FXYD7: variants seen among roughly 807,000 people sequenced by gnomAD.
The protein encoded by FXYD7 is FXYD domain-containing ion transport regulator 7.
FXYD7 carries 7 observed loss-of-function variants against 15.3 expected under a neutral mutation model. The observed-to-expected ratio is 0.46, with a 90% confidence interval of 0.26 to 0.86. The LOEUF is 0.86. Among genes scored for constraint, FXYD7 ranks in the 40% least tolerant of loss-of-function variants. FXYD7 has a pLI of 0.16. For missense variants in FXYD7, 78 were observed against 100.6 expected, an observed-to-expected ratio of 0.78 and a Z score of 0.96; for synonymous variants, 39 against 39.3, an observed-to-expected ratio of 0.99 and a Z score of 0.03.
rs1002392251 is a variant in FXYD7, at chr19:35,154,068, G to A, written c.*152G>A. The A allele has an allele frequency of 6.0e-6, 4 of 668,302 alleles. No individual in the cohort carries two copies. The highest frequency in any genetic ancestry group is 1.0e-5 in the Non-Finnish European group (4 of 389,442). 41.4% of individuals were successfully genotyped at this position (668,302 alleles called of 1,614,324 possible). ...AAGGCTGGAGCCGCTGCACCCTGCT[G>A]TCCCTCTCCAGGCCTTGGCAATGAC... On this transcript the variant is annotated 3_prime_UTR_variant, in exon 6 of 6. Coordinates refer to ENST00000270310, the MANE Select transcript of FXYD7 (RefSeq NM_022006.2).
At chr19:35,151,750 G>A (rs936742098) in intron 5 of FXYD7, 77 bp downstream of exon 5, 29 of 976,292 alleles carry the variant, frequency 3.0e-5, no homozygotes, top group South Asian at 1.9e-4. Context: ...GGGAAGTCGC[G>A]GGGATGGACT....
At position 35,154,077 on chromosome 19, in the gene FXYD7, C is replaced by T. The variant is rs2065329008; in HGVS notation, c.*161C>T. On this transcript the variant is annotated 3_prime_UTR_variant, in exon 6 of 6. Coordinates refer to ENST00000270310, the MANE Select transcript of FXYD7 (RefSeq NM_022006.2). ...GCCGCTGCACCCTGCTGTCCCTCTC[C>T]AGGCCTTGGCAATGACGATCCCCCA... The T allele has an allele frequency of 1.6e-6, 1 of 620,936 alleles. No individual in the cohort carries two copies. 38.5% of individuals were successfully genotyped at this position (620,936 alleles called of 1,614,324 possible). A position where few individuals can be genotyped will look rare whatever the true frequency, so the allele number is the denominator to read the frequency against.
chr19:35,148,912 G>T (rs1232334910), intron 2 of FXYD7, 189 bp downstream of exon 2: 3 of 724,408 alleles, frequency 4.1e-6, no homozygotes, highest in Admixed American at 1.9e-5. Flanking sequence ...GAGTGGGGAT[G>T]CCTCACACTC....
intron 1 of FXYD7, among the ~76,000 whole-genome samples, chr19:35,147,757 G>C (rs1050012717): frequency 6.6e-6 from 1 of 152,032 alleles, no homozygotes; most frequent in South Asian, 2.1e-4. Flanking sequence ...ACTATGGGAG[G>C]CTGAGGCGGG....
chr19:35,151,768 G>T (rs1171324075), intron 5 of FXYD7, 95 bp downstream of exon 5: 6 of 769,892 alleles, frequency 7.8e-6, no homozygotes, highest in Non-Finnish European at 1.4e-5. Context: ...ACTGGACGCA[G>T]GGGGCGGAGG....
chr19:35,144,168 G>GAAGA (rs1193624127), intron 1 of FXYD7, among the ~76,000 whole-genome samples: 1 of 152,052 alleles, frequency 6.6e-6, no homozygotes, highest in Non-Finnish European at 1.5e-5. Context: ...AGTAGAAAGA[G>GAAGA]AAGAAGGGAG....
intron 5 of FXYD7, among the ~76,000 whole-genome samples, chr19:35,152,384 G>GTAATAATGACTTGTTGGTTGATTGT (rs1443448434): frequency 1.3e-5 from 2 of 151,948 alleles, no homozygotes; most frequent in African/African-American, 4.8e-5. Flanking sequence ...TCAGGAGGGA[G>GTAATAATGACTTGTTGGTTGATTGT]AGAGAGGGAG....
intron 5 of FXYD7, 119 bp from the exon 6 acceptor site, chr19:35,153,775 T>C: frequency 2.3e-6 from 2 of 884,190 alleles, no homozygotes; most frequent in East Asian, 5.1e-5. Context: ...GTGTTAGCTC[T>C]GGGGTGACAG....
intron 5 of FXYD7, among the ~76,000 whole-genome samples, chr19:35,152,134 C>CGAAA (rs2065313000): frequency 2.2e-5 from 1 of 45,138 alleles, no homozygotes; most frequent in Non-Finnish European, 3.9e-5. Flanking sequence ...GTGAGACTGT[C>CGAAA]AAAAAAAAAA....
intron 5 of FXYD7, among the ~76,000 whole-genome samples, chr19:35,152,421 C>G (rs921724063): frequency 1.3e-5 from 2 of 150,872 alleles, no homozygotes. Flanking sequence ...GAGAGGCTTT[C>G]CAGACTTGAT....
chr19:35,145,603 G>T (rs2065286514), intron 1 of FXYD7, among the ~76,000 whole-genome samples: 1 of 152,204 alleles, frequency 6.6e-6, no homozygotes. Context: ...ATGAACAGCA[G>T]TGATGAGTCA....
chr19:35,148,902 G>C, intron 2 of FXYD7, 179 bp downstream of exon 2: 1 of 736,796 alleles, frequency 1.4e-6, no homozygotes, highest in Middle Eastern at 2.3e-4. Flanking sequence ...CCAGATGGGG[G>C]AGTGGGGATG....
intron 1 of FXYD7, among the ~76,000 whole-genome samples, chr19:35,146,573 T>G (rs538620503): frequency 6.6e-6 from 1 of 152,324 alleles, no homozygotes; most frequent in South Asian, 2.1e-4. Context: ...AAAGAGTTGC[T>G]ATGAAGATTA....
intron 1 of FXYD7, among the ~76,000 whole-genome samples, chr19:35,144,672 G>C (rs1192157233): frequency 1.4e-5 from 2 of 148,016 alleles, no homozygotes; most frequent in Non-Finnish European, 3.0e-5. Context: ...GAGGCTGGAA[G>C]CTACCCTAGG....
Position 35,154,098 on chromosome 19 carries a change from C to G in FXYD7, c.*182C>G, listed in dbSNP as rs2065329154. 2 of 579,830 alleles carry G rather than the reference C, an allele frequency of 3.4e-6. No homozygotes were observed. The allele number at this position is 579,830 out of a possible 1,614,324, so 35.9% of individuals were successfully genotyped here. On this transcript the variant is annotated 3_prime_UTR_variant, in exon 6 of 6. Coordinates refer to ENST00000270310, the MANE Select transcript of FXYD7 (RefSeq NM_022006.2). ...TCTCCAGGCCTTGGCAATGACGATC[C>G]CCCAAAGAGCCCGTCTGCACCCCAG...
At chr19:35,151,910 A>T (rs1275084385) in intron 5 of FXYD7, among the ~76,000 whole-genome samples, 3 of 151,986 alleles carry the variant, frequency 2.0e-5, no homozygotes, top group African/African-American at 7.3e-5. Flanking sequence ...AGGCTGAGGC[A>T]GGCAGATCAC....
At chr19:35,144,057 G>GA (rs976585839) in intron 1 of FXYD7, among the ~76,000 whole-genome samples, 16 of 149,224 alleles carry the variant, frequency 1.1e-4, no homozygotes, top group South Asian at 6.4e-4. Flanking sequence ...GAGAGAGAGA[G>GA]AAAAAAAAAT....
At position 35,143,439 on chromosome 19, in the gene FXYD7, T is replaced by C. The variant is rs1057339116; in HGVS notation, c.31+75T>C. On this transcript the variant is annotated intron_variant, in intron 1 of 5. Coordinates refer to ENST00000270310, the MANE Select transcript of FXYD7 (RefSeq NM_022006.2). This position sits in a 1 kb window ranked among gnomAD's most constrained non-coding sequence, Gnocchi z 4.3. ...GCCTAGGAGAGAGGGTGTCGGGAGA[T>C]TCAAGCAATGGTAAGGCAAGGGAGT... The C allele has an allele frequency of 6.0e-6, 7 of 1,175,488 alleles. No homozygotes were observed. Among genetic ancestry groups the C allele is most frequent in the Non-Finnish European group, 8.1e-6 (7 of 862,948 alleles). 72.8% of individuals were successfully genotyped at this position (1,175,488 alleles called of 1,614,324 possible).
Position 35,153,959 on chromosome 19 carries a change from G to A in FXYD7, c.*43G>A. On this transcript the variant is annotated 3_prime_UTR_variant, in exon 6 of 6. Coordinates refer to ENST00000270310, the MANE Select transcript of FXYD7 (RefSeq NM_022006.2). ...TCCGCTGCCGACCCTGCCTGAGCGC[G>A]GGAGCCTGAGGACCGGGTGGAGGCG... 1 of 1,597,186 alleles carries A rather than the reference G, an allele frequency of 6.3e-7. No individual in the cohort carries two copies. The highest frequency in any genetic ancestry group is 8.6e-7 in the Non-Finnish European group (1 of 1,168,700).
Sources: allele counts gnomAD v4.1 joint callset (sites outside exome capture counted in the v4.1 genomes callset), GRCh38; gene constraint gnomAD v4.1.1; non-coding constraint Gnocchi (gnomAD v3.1); transcripts MANE v1.5; gene names NCBI Gene and HGNC (gene_info 2026-07-23, HGNC 2026-07-21).